TCF12: variants seen among roughly 807,000 people sequenced by gnomAD.
TCF12 encodes DNA-binding protein HTF4.
A neutral mutation model predicts 86.0 loss-of-function variants in TCF12; 45 were observed. The ratio of observed to expected loss-of-function variants is 0.52; its 90% CI spans 0.41 to 0.67. The LOEUF (loss-of-function observed/expected upper bound fraction) is 0.67, where lower values mean the gene tolerates loss of function less well. Among genes scored for constraint, TCF12 ranks in the 30% least tolerant of loss-of-function variants. The pLI is 0.00. For missense variants in TCF12, 881 were observed against 859.9 expected (o/e 1.02, Z -0.31); for synonymous variants, 330 against 299.6 (o/e 1.10, Z -1.05).
intron 3 of TCF12, among the ~76,000 whole-genome samples, chr15:56,989,647 A>G (rs1410772194): frequency 6.6e-6 from 1 of 152,180 alleles, no homozygotes; most frequent in African/African-American, 2.4e-5. Flanking sequence ...TTGTAATTCT[A>G]GTCTTATTGC....
chr15:57,038,691 T>G (rs934763564), intron 3 of TCF12, among the ~76,000 whole-genome samples: 1 of 152,212 alleles, frequency 6.6e-6, no homozygotes, highest in African/African-American at 2.4e-5. Context: ...CCATAGAGTT[T>G]ATCTAAAAAT....
chr15:57,240,068 G>C (rs1355244665), intron 12 of TCF12, among the ~76,000 whole-genome samples: 1 of 152,182 alleles, frequency 6.6e-6, no homozygotes, highest in Admixed American at 6.5e-5. Context: ...AAATGGAAGA[G>C]TAAAATAGAG....
chr15:57,290,017 A>AT (rs34358500), downstream of TCF12, among the ~76,000 whole-genome samples: 116 of 142,720 alleles, frequency 8.1e-4, no homozygotes, highest in South Asian at 1.6e-3. Context: ...TTTTAAGAGG[A>AT]TTTTTTTTTT....
At chr15:57,049,146 A>G (rs2067440453) in intron 3 of TCF12, among the ~76,000 whole-genome samples, 1 of 152,130 alleles carries the variant, frequency 6.6e-6, no homozygotes, top group Non-Finnish European at 1.5e-5. Flanking sequence ...GCAATTTGGG[A>G]CAGTTCTCAA....
chr15:57,006,546 A>G (rs532126810), intron 3 of TCF12, among the ~76,000 whole-genome samples: 28 of 152,130 alleles, frequency 1.8e-4, no homozygotes, highest in Non-Finnish European at 5.9e-5. Flanking sequence ...TAATCCCAGC[A>G]CTTTGGGAGG....
At chr15:57,174,140 T>G (rs1731099052) in intron 6 of TCF12, among the ~76,000 whole-genome samples, 1 of 152,210 alleles carries the variant, frequency 6.6e-6, no homozygotes, top group Non-Finnish European at 1.5e-5. Flanking sequence ...TTTATACAAG[T>G]TAGTTTAGAA....
At chr15:57,152,699 ATC>A (rs777630261) in intron 5 of TCF12, among the ~76,000 whole-genome samples, 1 of 152,208 alleles carries the variant, frequency 6.6e-6, no homozygotes, top group Non-Finnish European at 1.5e-5. Flanking sequence ...GCAGGACAGT[ATC>A]AGTCTAATAT....
At chr15:57,052,508 G>A (rs1216279861) in intron 3 of TCF12, among the ~76,000 whole-genome samples, 2 of 151,724 alleles carry the variant, frequency 1.3e-5, no homozygotes, top group African/African-American at 4.8e-5. Flanking sequence ...CTGGTAGTGG[G>A]TGCCTGTAAT....
chr15:56,990,885 T>A (rs1455363083), intron 3 of TCF12, among the ~76,000 whole-genome samples: 1 of 151,892 alleles, frequency 6.6e-6, no homozygotes, highest in Non-Finnish European at 1.5e-5. Context: ...GCCTCTACCT[T>A]CCAGGCTCAA....
At position 57,048,522 on chromosome 15, in the gene TCF12, A is replaced by C. The variant is rs374890587; in HGVS notation, c.149-15228A>C. Among the ~76,000 whole-genome samples, 9 of 152,138 alleles carry C rather than the reference A, an allele frequency of 5.9e-5. No homozygotes were observed. The South Asian group carries it at 1.0e-3, about 18-fold the overall frequency. ...ATGATCTGCCCTCCTCGGCCTCCCA[A>C]AGTGCTGGGATTACAGGTGTGAGCC... is the stretch of plus-strand genomic sequence containing the variant. On this transcript the variant is annotated intron_variant, in intron 3 of 20. Coordinates refer to ENST00000333725, the MANE Select transcript of TCF12 (RefSeq NM_207037.2).
At chr15:57,066,139 G>T (rs1169611459) in intron 4 of TCF12, among the ~76,000 whole-genome samples, 1 of 152,110 alleles carries the variant, frequency 6.6e-6, no homozygotes, top group Non-Finnish European at 1.5e-5. Flanking sequence ...CTTTATGGTT[G>T]TCTTTGAAGC....
chr15:57,008,401 G>C (rs890021216), intron 3 of TCF12, among the ~76,000 whole-genome samples: 3 of 88,390 alleles, frequency 3.4e-5, no homozygotes, highest in African/African-American at 1.2e-4. Flanking sequence ...TTCGAGACAG[G>C]GTTTTGCTCT....
chr15:57,104,709 T>C (rs1348333743), intron 5 of TCF12, among the ~76,000 whole-genome samples: 4 of 151,932 alleles, frequency 2.6e-5, no homozygotes, highest in Non-Finnish European at 4.4e-5. Flanking sequence ...GTGCTGGGAT[T>C]ACAGGCATGA....
chr15:57,173,523 A>G (rs2055678476), intron 6 of TCF12, among the ~76,000 whole-genome samples: 1 of 152,140 alleles, frequency 6.6e-6, no homozygotes, highest in South Asian at 2.1e-4. Context: ...GAAGAGAACA[A>G]GAACACAAAT....
intron 3 of TCF12, among the ~76,000 whole-genome samples, chr15:57,038,279 A>AT (rs1394234445): frequency 6.6e-6 from 1 of 151,792 alleles, no homozygotes; most frequent in Non-Finnish European, 1.5e-5. Context: ...TAAAAAAAAA[A>AT]TTGCTGGACA....
intron 3 of TCF12, among the ~76,000 whole-genome samples, chr15:56,923,433 C>G (rs1169737003): frequency 6.6e-6 from 1 of 151,940 alleles, no homozygotes; most frequent in African/African-American, 2.4e-5. Flanking sequence ...TATGTTATTC[C>G]TTCATCAGGG....
At chr15:57,135,291 T>A (rs1053688485) in intron 5 of TCF12, among the ~76,000 whole-genome samples, 8 of 152,172 alleles carry the variant, frequency 5.3e-5, no homozygotes, top group Admixed American at 6.5e-5. Context: ...GAACTTTTTT[T>A]AAAAGAATCA....
chr15:57,252,609 G>T, intron 15 of TCF12, 117 bp downstream of exon 15: 1 of 843,362 alleles, frequency 1.2e-6, no homozygotes. Context: ...ACAGTTGACT[G>T]TTTCAGTTTT....
intron 5 of TCF12, among the ~76,000 whole-genome samples, chr15:57,110,144 T>G (rs750835890): frequency 1.3e-5 from 2 of 152,210 alleles, no homozygotes; most frequent in Non-Finnish European, 2.9e-5. Context: ...ATAATATATC[T>G]GATTACTGTC....
Sources: allele counts gnomAD v4.1 joint callset (sites outside exome capture counted in the v4.1 genomes callset), GRCh38; gene constraint gnomAD v4.1.1; transcripts MANE v1.5; gene names NCBI Gene and HGNC (gene_info 2026-07-23, HGNC 2026-07-21).